PALB2: variants seen among roughly 807,000 people sequenced by gnomAD.
PALB2 encodes the protein mutant partner and localizer of BRCA2.
In PALB2, 82 loss-of-function variants were observed where a neutral mutation model predicts 107.4. That is an observed-to-expected ratio of 0.76 (90% CI 0.64 to 0.92). The LOEUF is 0.92. Among genes scored for constraint, PALB2 ranks in the 40% least tolerant of loss-of-function variants. PALB2 has a pLI of 0.00. For missense variants in PALB2, 1,374 were observed against 1,379.9 expected (o/e 1.00, Z 0.07); for synonymous variants, 489 against 496.8 (o/e 0.98, Z 0.21).
At chr16:23,604,291 G>A (rs779224441) in intron 12 of PALB2, among the ~76,000 whole-genome samples, 1 of 152,192 alleles carries the variant, frequency 6.6e-6, no homozygotes, top group Non-Finnish European at 1.5e-5. Context: ...AGCTACCTGG[G>A]TTTAAATTCT....
In PALB2 at chr16:23,635,239, T is replaced by C. The variant is rs1966977995; in HGVS notation, c.1307A>G (p.Lys436Arg). Residue 436 changes from lysine (K) to arginine (R), a missense_variant, in exon 4 of 13, where the codon AAG becomes AGG. Coordinates refer to ENST00000261584, the MANE Select transcript of PALB2 (RefSeq NM_024675.4). ...EAVIQSHLDV[K>R]KKGFKNKNKD... The stretch of plus-strand genomic sequence containing the variant: ...ATTTTTATTTTTAAACCCTTTTTTC[T>C]TGACATCCAAATGACTCTGAATGAC... 2 of 1,614,206 alleles carry C rather than the reference T, an allele frequency of 1.2e-6. No individual in the cohort carries two copies. Among genetic ancestry groups the C allele is most frequent in the South Asian group, 2.2e-5 (2 of 91,084 alleles).
chr16:23,605,859 C>T (rs1392727112), intron 12 of PALB2: 1 of 152,224 alleles, frequency 6.6e-6, no homozygotes, highest in Non-Finnish European at 1.5e-5. Flanking sequence ...AAGCTGCCTT[C>T]TACCATGTGA....
In PALB2 at chr16:23,636,205, C is replaced by T. The variant is rs1567223045; in HGVS notation, c.341G>A (p.Gly114Glu). 6.2e-7 allele frequency: 1 copy of T among 1,613,466 alleles called. No homozygotes were observed. Among genetic ancestry groups the T allele is most frequent in the Non-Finnish European group, 8.5e-7 (1 of 1,179,932 alleles). Residue 114 changes from glycine to glutamate, a missense_variant, in exon 4 of 13, where the codon GGA becomes GAA. Coordinates refer to ENST00000261584, the MANE Select transcript of PALB2 (RefSeq NM_024675.4). Reference sequence around the variant, plus strand: ...ATCTGTTCTTTGTATAGGTAATCCTCCTGGGCCATCTCCAGGGTTAAAGGA... The same window carrying T: ...ATCTGTTCTTTGTATAGGTAATCCTTCTGGGCCATCTCCAGGGTTAAAGGA... ...PESFNPGDGP[G>E]GLPIQRTDDT...
At chr16:23,631,332 G>A (rs535719089) in intron 4 of PALB2, among the ~76,000 whole-genome samples, 1 of 149,708 alleles carries the variant, frequency 6.7e-6, no homozygotes, top group African/African-American at 2.5e-5. Flanking sequence ...AGCTGGGCAT[G>A]GTGGTGCGTG....
In PALB2 at chr16:23,635,926, G is replaced by C. The variant is rs515726125; in HGVS notation, c.620C>G (p.Pro207Arg). ...TTCTGTAACTGGTTCTGGAGAATCT[G>C]GAAGTTCAGATTTAAGACTTAAAAG... Reference protein sequence around the residue: ...THLLSLKSELPDSPEPVTEIN... With the variant: ...THLLSLKSELRDSPEPVTEIN... Residue 207 changes from proline to arginine, a missense_variant, in exon 4 of 13, where the codon CCA (proline) becomes CGA (arginine). Pro to Arg is a moderately radical substitution (Grantham distance 103, BLOSUM62 -2). Transcript: ENST00000261584. 2.5e-6 allele frequency: 4 copies of C among 1,614,100 alleles called. No homozygotes were observed. In the Admixed American group the frequency reaches 6.7e-5, roughly 27 times the overall value.
intron 12 of PALB2, 29 bp from the exon 13 acceptor site, chr16:23,603,698 A>G (rs2142256002): frequency 6.3e-7 from 1 of 1,589,944 alleles, no homozygotes; most frequent in South Asian, 1.1e-5. Flanking sequence ...GATATAATTC[A>G]GATTACATAT....
In PALB2 at chr16:23,635,055, A is replaced by C. The variant is rs374707677; in HGVS notation, c.1491T>G (p.Asn497Lys). Residue 497 changes from asparagine (N) to lysine (K), a missense_variant, in exon 4 of 13, where the codon AAT becomes AAG. Transcript: ENST00000261584. ...VSSPAGPTED[N>K]DLSRKAVAQA... ...GGGCAACTGCCTTCCTAGACAAGTC[A>C]TTATCTTCAGTGGGCCCAGCGGGAG... is the stretch of plus-strand genomic sequence containing the variant. 1 of 1,613,998 alleles carries C rather than the reference A, an allele frequency of 6.2e-7. No individual in the cohort carries two copies. Among genetic ancestry groups the C allele is most frequent in the African/African-American group, 1.3e-5 (1 of 74,884 alleles).
Position 23,604,740 on chromosome 16 carries a change from T to A in PALB2, c.3351-1071A>T, listed in dbSNP as rs556217315. ...AAGATCGTGCCACTGCACTCCAACC[T>A]GGGCGATAAAGTGAGACCCTGTCTC... On this transcript the variant is annotated intron_variant, in intron 12 of 12. Coordinates refer to ENST00000261584, the MANE Select transcript of PALB2 (RefSeq NM_024675.4). Among the ~76,000 whole-genome samples, 4 of 151,390 alleles carry A rather than the reference T, an allele frequency of 2.6e-5. No individual in the cohort carries two copies. The South Asian group carries it at 8.3e-4, about 32-fold the overall frequency.
At chr16:23,616,775 G>T (rs549357992) in intron 10 of PALB2, among the ~76,000 whole-genome samples, 1 of 151,958 alleles carries the variant, frequency 6.6e-6, no homozygotes, top group South Asian at 2.1e-4. Context: ...GTTTTAACGT[G>T]TTTCTTTGAT....
chr16:23,631,962 T>A (rs1027883645), intron 4 of PALB2, among the ~76,000 whole-genome samples: 1 of 152,128 alleles, frequency 6.6e-6, no homozygotes, highest in South Asian at 2.1e-4. Flanking sequence ...TCCTCCCACA[T>A]CAGCCTCCTG....
At chr16:23,626,457 T>G (rs1966843047) in intron 6 of PALB2, 60 bp from the exon 7 acceptor site, 1 of 1,578,116 alleles carries the variant, frequency 6.3e-7, no homozygotes. Flanking sequence ...ATGCAAAGCA[T>G]AAGTATGCAA....
chr16:23,635,370 T>C lies in PALB2; in HGVS notation c.1176A>G (p.Glu392=), dbSNP rs1555461423. ...CTTCAGGCACTGTGCAAGAATGTTT[T>C]TCTGCAGAAAGAGGAGAGGTTGCTT... ...SLEATSPLSA[E]KHSCTVPEGL... is the part of the protein sequence containing the mutation. The change falls in exon 4 of 13, where the codon GAA becomes GAG. Residue 392 remains glutamate (E), a synonymous_variant. Transcript: ENST00000261584. The C allele has an allele frequency of 3.7e-6, 6 of 1,614,056 alleles. No individual in the cohort carries two copies. Among genetic ancestry groups the C allele is most frequent in the Non-Finnish European group, 5.1e-6 (6 of 1,180,042 alleles).
At chr16:23,612,053 T>TG (rs1966596963) in intron 11 of PALB2, among the ~76,000 whole-genome samples, 1 of 152,158 alleles carries the variant, frequency 6.6e-6, no homozygotes, top group Admixed American at 6.5e-5. Context: ...AGCCTCTGGA[T>TG]GCTGATCCTC....
chr16:23,615,365 C>T (rs977049055), intron 10 of PALB2, among the ~76,000 whole-genome samples: 4 of 152,080 alleles, frequency 2.6e-5, no homozygotes, highest in African/African-American at 9.7e-5. Context: ...AGTGTGGTGG[C>T]GTGATCATGA....
intron 10 of PALB2, among the ~76,000 whole-genome samples, chr16:23,620,572 A>T (rs1297421818): frequency 3.3e-5 from 5 of 151,974 alleles, no homozygotes; most frequent in Non-Finnish European, 7.4e-5. Context: ...TGTTTTTTGT[A>T]TTTTTTCCAG....
intron 11 of PALB2, among the ~76,000 whole-genome samples, chr16:23,611,072 C>T (rs1424316658): frequency 6.9e-6 from 1 of 145,426 alleles, no homozygotes; most frequent in Non-Finnish European, 1.5e-5. Flanking sequence ...ATGAATTCAA[C>T]TGTCAGTCTA....
chr16:23,636,413 A>C, intron 3 of PALB2, 79 bp from the exon 4 acceptor site: 1 of 901,768 alleles, frequency 1.1e-6, no homozygotes, highest in Admixed American at 2.8e-5. Flanking sequence ...AACCTATTAT[A>C]TATAAATACT....
rs1567208519 is a variant in PALB2, at chr16:23,611,125, A to ATCT, written c.3201+2878_3201+2879insAGA. 1.2e-3 allele frequency among the ~76,000 whole-genome samples: 140 copies of ATCT among 117,584 alleles called. 1 individual carries two copies. The highest frequency in any genetic ancestry group is 4.1e-3 in the African/African-American group (131 of 31,774). The allele number at this position is 117,584 out of a possible 152,430, so 77.1% of individuals were successfully genotyped here. A position where few individuals can be genotyped will look rare whatever the true frequency, so the allele number is the denominator to read the frequency against. On this transcript the variant is annotated intron_variant, in intron 11 of 12. Coordinates refer to ENST00000261584, the MANE Select transcript of PALB2 (RefSeq NM_024675.4). ...CTATCTATCTATCTATCTATCTATC[A>ATCT]ATCTATCTATTCGTTGTTGTTGTTG...
In PALB2 at chr16:23,634,891, T is replaced by G; in HGVS notation, c.1655A>C (p.Gln552Pro). ...CACTTGAATAAATAATTTTTCGTGC[T>G]GATATTTGTGTGAGGTGACTTCTTC... is the stretch of plus-strand genomic sequence containing the variant. ...SKEEVTSHKY[Q>P]HEKLFIQVKG... The change falls in exon 4 of 13, where the codon CAG becomes CCG. Residue 552 changes from glutamine (Q) to proline (P), a missense_variant. Transcript: ENST00000261584. 6.2e-7 allele frequency: 1 copy of G among 1,614,122 alleles called. No homozygotes were observed. The highest frequency in any genetic ancestry group is 8.5e-7 in the Non-Finnish European group (1 of 1,179,972).
Sources: gnomAD v4.1 joint callset for allele counts (sites outside exome capture counted in the v4.1 genomes callset) on GRCh38, gnomAD v4.1.1 for gene constraint, MANE v1.5 for transcripts, NCBI Gene and HGNC (gene_info 2026-07-23, HGNC 2026-07-21) for gene names.